AGAP1: variants seen among roughly 807,000 people sequenced by gnomAD.
AGAP1 encodes arf-GAP with GTPase, ANK repeat and PH domain-containing protein 1.
AGAP1 carries 29 observed loss-of-function variants against 105.3 expected under a neutral mutation model. That is an observed-to-expected ratio of 0.28 (90% CI 0.21 to 0.38). The LOEUF (loss-of-function observed/expected upper bound fraction) is 0.38. AGAP1 is among the 10% of genes least tolerant of loss of function. The pLI is 1.00. For missense variants in AGAP1, 998 were observed against 1,165.1 expected (o/e 0.86, Z 2.09); for synonymous variants, 509 against 485.9 (o/e 1.05, Z -0.63).
chr2:235,667,959 CAAAAAAAAAAA>C (rs142657060), intron 1 of AGAP1, among the ~76,000 whole-genome samples: 5 of 61,928 alleles, frequency 8.1e-5, no homozygotes, highest in African/African-American at 2.0e-4. Flanking sequence ...GCCTCTGTCT[CAAAAAAAAAAA>C]AAAAAAAAAA....
intron 1 of AGAP1, among the ~76,000 whole-genome samples, chr2:235,531,866 C>T (rs1022076547): frequency 3.9e-5 from 6 of 152,058 alleles, no homozygotes; most frequent in Non-Finnish European, 7.4e-5. Context: ...TGTGCCTTGG[C>T]CTCCCAAAAT....
rs373509503 is a variant in AGAP1 at position 235,923,272 on chromosome 2, T to C, written c.1325-7493T>C. The stretch of plus-strand genomic sequence containing the variant: ...GGCTGGGCCACTTTTTAAGGACTTA[T>C]TGCTGGTACAGCTGTTTCCTTGTAC... On this transcript the variant is annotated intron_variant, in intron 11 of 17. Coordinates refer to ENST00000304032, the MANE Select transcript of AGAP1 (RefSeq NM_001037131.3). Among the ~76,000 whole-genome samples the C allele has an allele frequency of 7.2e-5, 11 of 152,342 alleles. 1 individual carries two copies. In the South Asian group the frequency reaches 1.7e-3, roughly 23 times the overall value.
chr2:235,713,526 A>G (rs1451620854), intron 2 of AGAP1, among the ~76,000 whole-genome samples: 15 of 152,226 alleles, frequency 9.9e-5, no homozygotes, highest in Non-Finnish European at 1.0e-4. Context: ...GCAGGGATTC[A>G]GAGAACAAGG....
intron 9 of AGAP1, among the ~76,000 whole-genome samples, chr2:235,862,144 C>T (rs1421887951): frequency 2.0e-5 from 3 of 152,188 alleles, no homozygotes; most frequent in Non-Finnish European, 2.9e-5. Context: ...CCTGGGTGTT[C>T]ATCCATGGCT....
rs1216595794 is a variant in AGAP1, at chr2:236,121,355, C to CA, written c.2370+909dup. 1.3e-5 allele frequency among the ~76,000 whole-genome samples: 2 copies of CA among 152,198 alleles called. No individual in the cohort carries two copies. The highest frequency in any genetic ancestry group is 4.8e-5 in the African/African-American group (2 of 41,448). On this transcript the variant is annotated intron_variant, in intron 17 of 17. Coordinates refer to ENST00000304032, the MANE Select transcript of AGAP1 (RefSeq NM_001037131.3). The surrounding 1 kb of genome is among the most constrained non-coding windows in gnomAD (Gnocchi z 4.9). ...TCGCTCTGTCACCCAGGCTGGAGTG[C>CA]AGTGGTGCGATCTCAGCTCACTGCA...
intron 6 of AGAP1, among the ~76,000 whole-genome samples, chr2:235,756,216 C>G (rs1476892314): frequency 1.3e-5 from 2 of 152,216 alleles, no homozygotes; most frequent in Admixed American, 6.5e-5. Context: ...GGAGCTTTCT[C>G]TGCTGCGGGT....
At position 235,919,734 on chromosome 2, in the gene AGAP1, T is replaced by A. The variant is rs963855056; in HGVS notation, c.1324+10828T>A. Among the ~76,000 whole-genome samples, 1 of 152,226 alleles carries A rather than the reference T, an allele frequency of 6.6e-6. No homozygotes were observed. Among genetic ancestry groups the A allele is most frequent in the African/African-American group, 2.4e-5 (1 of 41,462 alleles). On this transcript the variant is annotated intron_variant, in intron 11 of 17. Transcript: ENST00000304032. This position sits in a 1 kb window ranked among gnomAD's most constrained non-coding sequence, Gnocchi z 4.1. The stretch of plus-strand genomic sequence containing the variant: ...AACACACACACACACACCTGTTGCA[T>A]TTATCATATAAAGGAGAAAGAATAT...
In AGAP1 at chr2:235,750,232, G is replaced by C; in HGVS notation, c.539-122G>C. 2 of 1,396,416 alleles carry C rather than the reference G, an allele frequency of 1.4e-6. No individual in the cohort carries two copies. The highest frequency in any genetic ancestry group is 2.0e-6 in the Non-Finnish European group (2 of 1,011,368). The allele number at this position is 1,396,416 out of a possible 1,614,324, so 86.5% of individuals were successfully genotyped here. A position where few individuals can be genotyped will look rare whatever the true frequency, so the allele number is the denominator to read the frequency against. On this transcript the variant is annotated intron_variant, in intron 5 of 17. Coordinates refer to ENST00000304032, the MANE Select transcript of AGAP1 (RefSeq NM_001037131.3). The surrounding 1 kb of genome is among the most constrained non-coding windows in gnomAD (Gnocchi z 5.3). ...AGGCAAACGATGCTCTACAATTCCA[G>C]ATTCATAAACTAATTACATTTCTGC...
Position 235,973,074 on chromosome 2 carries a change from A to C in AGAP1, c.1645+4451A>C, listed in dbSNP as rs926330390. ...TATTCAGAAAGTAAAGGCTAATAGT[A>C]GGAATCATCAGTACCTGCTGCTGCA... On this transcript the variant is annotated intron_variant, in intron 13 of 17. Coordinates refer to ENST00000304032, the MANE Select transcript of AGAP1 (RefSeq NM_001037131.3). This position sits in a 1 kb window ranked among gnomAD's most constrained non-coding sequence, Gnocchi z 4.7. Among the ~76,000 whole-genome samples, 5 of 152,208 alleles carry C rather than the reference A, an allele frequency of 3.3e-5. No homozygotes were observed. The highest frequency in any genetic ancestry group is 1.2e-4 in the African/African-American group (5 of 41,468).
intron 1 of AGAP1, among the ~76,000 whole-genome samples, chr2:235,649,678 G>C (rs6739945): frequency 0.72 from 108,862 of 152,162 alleles, 39,046 homozygotes; most frequent in East Asian, 0.8. Flanking sequence ...GGCCGAGATT[G>C]TGCTTTTCTA....
chr2:235,696,261 G>T (rs1391113532), intron 1 of AGAP1, among the ~76,000 whole-genome samples: 1 of 152,186 alleles, frequency 6.6e-6, no homozygotes, highest in Non-Finnish European at 1.5e-5. Flanking sequence ...GGTCAGGCTG[G>T]TCTTGAACTC....
rs2049133609 is a variant in AGAP1 at position 235,865,664 on chromosome 2, G to A, written c.1051-17681G>A. ...TTTGTAAAATAATAGGTGCTCTGGA[G>A]GAGGGGCAGGGCGGGAAATATTACT... On this transcript the variant is annotated intron_variant, in intron 9 of 17. Transcript: ENST00000304032. The surrounding 1 kb of genome is among the most constrained non-coding windows in gnomAD (Gnocchi z 6.2). 6.6e-6 allele frequency among the ~76,000 whole-genome samples: 1 copy of A among 152,164 alleles called. No individual in the cohort carries two copies. Among genetic ancestry groups the A allele is most frequent in the Non-Finnish European group, 1.5e-5 (1 of 68,034 alleles).
intron 11 of AGAP1, among the ~76,000 whole-genome samples, chr2:235,929,220 T>C (rs1176474066): frequency 6.6e-6 from 1 of 152,202 alleles, no homozygotes; most frequent in Non-Finnish European, 1.5e-5. Flanking sequence ...GGTGACTTTC[T>C]GGCTGGAGTG....
At position 235,999,198 on chromosome 2, in the gene AGAP1, T is replaced by C. The variant is rs1326540931; in HGVS notation, c.1645+30575T>C. On this transcript the variant is annotated intron_variant, in intron 13 of 17. Transcript: ENST00000304032. ...ATAATGGTGATGGTGATGATGGCAG[T>C]GTGATGACCAATATGGTATGGTGGT... Among the ~76,000 whole-genome samples the C allele has an allele frequency of 5.6e-3, 797 of 142,738 alleles. 4 individuals are homozygous for C. The highest frequency in any genetic ancestry group is 9.2e-3 in the Non-Finnish European group (603 of 65,476). The allele number at this position is 142,738 out of a possible 152,430, so 93.6% of individuals were successfully genotyped here.
chr2:235,679,831 G>A (rs898871741), intron 1 of AGAP1, among the ~76,000 whole-genome samples: 1 of 152,228 alleles, frequency 6.6e-6, no homozygotes, highest in Non-Finnish European at 1.5e-5. Context: ...AGTCTTCAGA[G>A]TAAGAAAGCA....
At position 236,126,343 on chromosome 2, in the gene AGAP1, C is replaced by G. The variant is rs1576363141; in HGVS notation, c.*2221C>G. ...GAGTCCACTAGACACACTCGCTCCA[C>G]ACAGCCTTCACCGTAGACTCTGTAG... is the stretch of plus-strand genomic sequence containing the variant. On this transcript the variant is annotated 3_prime_UTR_variant, in exon 18 of 18. Coordinates refer to ENST00000304032, the MANE Select transcript of AGAP1 (RefSeq NM_001037131.3). 6.6e-6 allele frequency: 1 copy of G among 152,220 alleles called. No homozygotes were observed. Among genetic ancestry groups the G allele is most frequent in the East Asian group, 1.9e-4 (1 of 5,192 alleles). 9.4% of individuals were successfully genotyped at this position (152,220 alleles called of 1,614,324 possible).
In AGAP1 at chr2:235,721,891, T is replaced by G. The variant is rs1280558644; in HGVS notation, c.310+4247T>G. On this transcript the variant is annotated intron_variant, in intron 3 of 17. Transcript: ENST00000304032. The surrounding 1 kb of genome is among the most constrained non-coding windows in gnomAD (Gnocchi z 4.5). ...GCAGATACATCAGATGCATTTTAGC[T>G]CCATCCCAGAGGGTAACATCTGCTG... Among the ~76,000 whole-genome samples the G allele has an allele frequency of 2.0e-5, 3 of 152,032 alleles. No individual in the cohort carries two copies. Among genetic ancestry groups the G allele is most frequent in the African/African-American group, 7.2e-5 (3 of 41,454 alleles).
rs150411485 is a variant in AGAP1 at position 235,727,990 on chromosome 2, C to T, written c.310+10346C>T. On this transcript the variant is annotated intron_variant, in intron 3 of 17. Transcript: ENST00000304032. ...TGTGCAGAGCACACGTTCCACTCAG[C>T]ACCGATTAGAGCTGGGATTGCCTCT... Among the ~76,000 whole-genome samples the T allele has an allele frequency of 5.9e-4, 90 of 152,304 alleles. 1 individual carries two copies. The highest frequency in any genetic ancestry group is 2.1e-3 in the African/African-American group (87 of 41,568).
intron 16 of AGAP1, among the ~76,000 whole-genome samples, chr2:236,070,309 A>G (rs1157782057): frequency 1.3e-5 from 2 of 152,248 alleles, no homozygotes; most frequent in Non-Finnish European, 1.5e-5. Flanking sequence ...TGAATGAGAA[A>G]GAGCAGCATT....
Sources: gnomAD v4.1 joint callset for allele counts (sites outside exome capture counted in the v4.1 genomes callset) on GRCh38, gnomAD v4.1.1 for gene constraint, Gnocchi (gnomAD v3.1) non-coding constraint, MANE v1.5 for transcripts, NCBI Gene and HGNC (gene_info 2026-07-23, HGNC 2026-07-21) for gene names.